Variants in LRRCC1 observed in about 807,000 individuals in gnomAD.
The protein encoded by LRRCC1 is leucine-rich repeat and coiled-coil domain-containing protein 1.
Under a neutral mutation model 126.0 loss-of-function variants are expected in LRRCC1, and 115 were observed. The observed-to-expected ratio is 0.91, with a 90% confidence interval of 0.78 to 1.07. The LOEUF (loss-of-function observed/expected upper bound fraction) is 1.07. LRRCC1 is among the 50% of genes least tolerant of loss of function. The pLI is 0.00. For synonymous variants in LRRCC1, 400 were observed against 393.4 expected (o/e 1.02, Z -0.20); for missense variants, 1,172 against 1,175.7 (o/e 1.00, Z 0.05).
rs748281604 is a variant in LRRCC1, at chr8:85,131,789, C to T, written c.1796C>T (p.Thr599Ile). Residue 599 changes from threonine to isoleucine, a missense_variant, in exon 12 of 19, where the codon ACT (threonine) becomes ATT (isoleucine). Physicochemically the swap from Thr to Ile is moderately conservative, Grantham distance 89. Coordinates refer to ENST00000360375, the MANE Select transcript of LRRCC1 (RefSeq NM_033402.5). The part of the protein sequence containing the change: ...RKELETREFF[T>I]DADFQDALAK... ...GAACTTGAAACAAGGGAGTTTTTTA[C>T]TGATGCTGACTTCCAGGATGCCTTA... is the stretch of plus-strand genomic sequence containing the variant. 6.2e-7 allele frequency: 1 copy of T among 1,613,038 alleles called. No homozygotes were observed. The highest frequency in any genetic ancestry group is 8.5e-7 in the Non-Finnish European group (1 of 1,179,654).
intron 4 of LRRCC1, 84 bp from the exon 5 acceptor site, chr8:85,115,015 TG>T: frequency 9.7e-7 from 1 of 1,032,606 alleles, no homozygotes; most frequent in Non-Finnish European, 1.4e-6. Context: ...GTGATGTATC[TG>T]GTAGCTGATA....
At chr8:85,120,345 TGAA>T (rs1425507477) in intron 6 of LRRCC1, among the ~76,000 whole-genome samples, 2 of 152,208 alleles carry the variant, frequency 1.3e-5, no homozygotes, top group African/African-American at 2.4e-5. Context: ...AATTGTGGCA[TGAA>T]GAAGTGTTGA....
chr8:85,145,259 G>T, intron 18 of LRRCC1, 130 bp from the exon 19 acceptor site: 3 of 655,220 alleles, frequency 4.6e-6, no homozygotes, highest in South Asian at 5.0e-5. Context: ...ACATTTTACT[G>T]ACATTTCTTT....
chr8:85,139,659 C>CTGTG (rs1164257496), intron 17 of LRRCC1, among the ~76,000 whole-genome samples: 5 of 152,124 alleles, frequency 3.3e-5, no homozygotes, highest in African/African-American at 1.2e-4. Flanking sequence ...TAAGGTTTTA[C>CTGTG]TGTGTTAAAA....
In LRRCC1 at chr8:85,110,154, C is replaced by A; in HGVS notation, c.350C>A (p.Ser117Tyr). Residue 117 changes from serine to tyrosine, a missense_variant, in exon 3 of 19, where the codon TCT becomes TAT. Ser to Tyr is a moderately radical substitution (Grantham distance 144, BLOSUM62 -2). Transcript: ENST00000360375. ...ELINLTRLNV[S>Y]YNHIDDLSGL... ...ATTAATCTGACTAGACTAAATGTAT[C>A]TTATAACCACATAGATGATCTTAGT... 7.6e-7 allele frequency: 1 copy of A among 1,320,458 alleles called. No individual in the cohort carries two copies. Among genetic ancestry groups the A allele is most frequent in the Non-Finnish European group, 1.0e-6 (1 of 959,510 alleles). 81.8% of individuals were successfully genotyped at this position (1,320,458 alleles called of 1,614,324 possible). A position where few individuals can be genotyped will look rare whatever the true frequency, so the allele number is the denominator to read the frequency against.
At chr8:85,117,548 A>G (rs1809218083) in intron 6 of LRRCC1, among the ~76,000 whole-genome samples, 1 of 152,212 alleles carries the variant, frequency 6.6e-6, no homozygotes, top group African/African-American at 2.4e-5. Context: ...AATGTGCTGT[A>G]CTATAATAAA....
At chr8:85,115,775 C>T (rs1226203523) in intron 6 of LRRCC1, among the ~76,000 whole-genome samples, 191 bp downstream of exon 6, 1 of 151,916 alleles carries the variant, frequency 6.6e-6, no homozygotes, top group African/African-American at 2.4e-5. Context: ...ATAAATTTTT[C>T]ACTCACTTTA....
In LRRCC1 at chr8:85,131,825, T is replaced by C. The variant is rs1810489962; in HGVS notation, c.1832T>C (p.Ile611Thr). ...TTCCAGGATGCCTTAGCTAAAGAAA[T>C]AGCCAAAGAAGAGAAAAAGCATGAG... Reference protein sequence around the residue: ...ADFQDALAKEIAKEEKKHEQM... With the variant: ...ADFQDALAKETAKEEKKHEQM... Residue 611 changes from isoleucine (I) to threonine (T), a missense_variant, in exon 12 of 19, where the codon ATA becomes ACA. Transcript: ENST00000360375. The C allele has an allele frequency of 1.2e-6, 2 of 1,613,710 alleles. No homozygotes were observed.
intron 6 of LRRCC1, among the ~76,000 whole-genome samples, chr8:85,119,779 T>A (rs1809397434): frequency 6.6e-6 from 1 of 152,170 alleles, no homozygotes; most frequent in African/African-American, 2.4e-5. Flanking sequence ...ATTACAGGCA[T>A]GAGGCACGGC....
At chr8:85,136,071 AG>A in intron 14 of LRRCC1, 108 bp downstream of exon 14, 1 of 925,352 alleles carries the variant, frequency 1.1e-6, no homozygotes. Context: ...CCAAGAAAAA[AG>A]GTGACCCTTT....
chr8:85,130,196 C>T (rs1034020860), intron 11 of LRRCC1, 138 bp downstream of exon 11: 11 of 545,844 alleles, frequency 2.0e-5, no homozygotes, highest in Admixed American at 1.8e-4. Context: ...AGTGCAATGG[C>T]GCAATCTCGG....
intron 17 of LRRCC1, 110 bp from the exon 18 acceptor site, chr8:85,141,272 T>A: frequency 1.3e-6 from 1 of 757,362 alleles, no homozygotes. Flanking sequence ...TAATACTGAG[T>A]TATGTTTCCA....
At chr8:85,141,177 C>T (rs1314464338) in intron 17 of LRRCC1, among the ~76,000 whole-genome samples, 2 of 151,990 alleles carry the variant, frequency 1.3e-5, no homozygotes, top group Non-Finnish European at 2.9e-5. Context: ...TTATCCTAAC[C>T]TAATGTTATC....
intron 6 of LRRCC1, among the ~76,000 whole-genome samples, chr8:85,117,942 T>C (rs1433417989): frequency 1.3e-5 from 2 of 152,130 alleles, no homozygotes; most frequent in Admixed American, 6.5e-5. Context: ...GGTCTGCATA[T>C]TTCCTGAATT....
Position 85,115,092 on chromosome 8 carries a change from T to C in LRRCC1, c.545-8T>C, listed in dbSNP as rs772795989. ...TTCAGTTTTCATTTTGAATGATTTG[T>C]TTCCAAGGGTACAGAGCAGTTATTC... On this transcript the variant is annotated splice_region_variant and splice_polypyrimidine_tract_variant and intron_variant, in intron 4 of 18. Transcript: ENST00000360375. 1.8e-5 allele frequency: 27 copies of C among 1,538,050 alleles called. No individual in the cohort carries two copies. Among genetic ancestry groups the C allele is most frequent in the Non-Finnish European group, 2.4e-5 (27 of 1,145,372 alleles).
rs1252801695 is a variant in LRRCC1 at position 85,138,089 on chromosome 8, A to G, written c.2548A>G (p.Ile850Val). Residue 850 changes from isoleucine to valine, a missense_variant, in exon 16 of 19, where the codon ATA becomes GTA. Ile to Val is a conservative substitution (Grantham distance 29). Transcript: ENST00000360375. The stretch of plus-strand genomic sequence containing the variant: ...AAGATTACAAGAAAAGATCACAGAA[A>G]TAGAAAAATGCACTCAAGAACAACT... ...IKRLQEKITE[I>V]EKCTQEQLDE... 2 of 1,600,820 alleles carry G rather than the reference A, an allele frequency of 1.2e-6. No homozygotes were observed. Among genetic ancestry groups the G allele is most frequent in the Non-Finnish European group, 1.7e-6 (2 of 1,173,312 alleles).
chr8:85,132,792 T>A (rs1810579439), intron 12 of LRRCC1, among the ~76,000 whole-genome samples: 1 of 152,216 alleles, frequency 6.6e-6, no homozygotes, highest in African/African-American at 2.4e-5. Flanking sequence ...ACCCCTGCTA[T>A]AGAGGAATAA....
At chr8:85,128,720 T>C (rs934563802) in intron 9 of LRRCC1, among the ~76,000 whole-genome samples, 3 of 152,140 alleles carry the variant, frequency 2.0e-5, no homozygotes, top group Non-Finnish European at 4.4e-5. Context: ...TTCTTCTTCC[T>C]TATTTTATAT....
intron 3 of LRRCC1, among the ~76,000 whole-genome samples, chr8:85,112,582 G>T (rs1184112442): frequency 6.6e-6 from 1 of 152,216 alleles, no homozygotes; most frequent in Non-Finnish European, 1.5e-5. Context: ...GTTTGCTTAT[G>T]TCTGCTAATC....
Sources: gnomAD v4.1 joint callset for allele counts (sites outside exome capture counted in the v4.1 genomes callset) on GRCh38, gnomAD v4.1.1 for gene constraint, MANE v1.5 for transcripts, NCBI Gene and HGNC (gene_info 2026-07-23, HGNC 2026-07-21) for gene names.